PSIP1: variants seen among roughly 807,000 people sequenced by gnomAD.
PSIP1 encodes the protein PC4 and SFRS1-interacting protein.
PSIP1 carries 19 observed loss-of-function variants against 74.7 expected under a neutral mutation model. The observed-to-expected ratio is 0.25, with a 90% CI of 0.18 to 0.37. The LOEUF (loss-of-function observed/expected upper bound fraction) is 0.37, where lower values mean the gene tolerates loss of function less well. Among genes scored for constraint, PSIP1 ranks in the 10% least tolerant of loss-of-function variants. The pLI is 1.00. For synonymous variants in PSIP1, 222 were observed against 195.3 expected (o/e 1.14, Z -1.14); for missense variants, 601 against 614.3 (o/e 0.98, Z 0.23).
At chr9:15,490,337 A>G (rs2036766353) in intron 3 of PSIP1, among the ~76,000 whole-genome samples, 2 of 152,212 alleles carry the variant, frequency 1.3e-5, no homozygotes, top group Non-Finnish European at 2.9e-5. Flanking sequence ...AAGTAAAACC[A>G]CAGACGTTGC....
chr9:15,473,921 A>C (rs1388476754), intron 9 of PSIP1, 88 bp downstream of exon 9: 8 of 871,762 alleles, frequency 9.2e-6, no homozygotes, highest in South Asian at 8.7e-5. Flanking sequence ...AAAACAAAAA[A>C]AAAAACAAAA....
chr9:15,501,867 A>ATATATATATATATAT (rs1188842040), intron 3 of PSIP1, among the ~76,000 whole-genome samples: 12 of 144,390 alleles, frequency 8.3e-5, no homozygotes, highest in African/African-American at 2.7e-4. Flanking sequence ...ATATATATAT[A>ATATATATATATATAT]AAACGCACAC....
intron 15 of PSIP1, among the ~76,000 whole-genome samples, chr9:15,466,186 T>TGGCCA (rs1470464708): frequency 6.6e-6 from 1 of 152,244 alleles, no homozygotes; most frequent in East Asian, 1.9e-4. Flanking sequence ...GAGGCCGGGC[T>TGGCCA]GGCCAACATG....
At position 15,479,596 on chromosome 9, in the gene PSIP1, G is replaced by A. The variant is rs758670344; in HGVS notation, c.548C>T (p.Pro183Leu). 6.3e-6 allele frequency: 10 copies of A among 1,598,474 alleles called. No individual in the cohort carries two copies. The highest frequency in any genetic ancestry group is 1.9e-4 in the Middle Eastern group (1 of 5,154). The change falls in exon 7 of 16, where the codon CCT (proline) becomes CTT (leucine). Residue 183 changes from proline to leucine, a missense_variant. This residue lies in a region of PSIP1 where 538 missense variants were observed against 507.6 expected (regional missense o/e 1.06). Transcript: ENST00000380733. ...TTAAACATCAGTAATCCTACCTGCA[G>A]GTCGTCCTCTTTTAGGACTCACTTT... The part of the protein sequence containing the change: ...NLKVSPKRGR[P>L]AATEVKIPKP...
At chr9:15,484,795 C>T (rs975688385) in intron 6 of PSIP1, among the ~76,000 whole-genome samples, 16 of 151,528 alleles carry the variant, frequency 1.1e-4, no homozygotes, top group African/African-American at 3.6e-4. Flanking sequence ...TGCCTGTAAT[C>T]CCAGCTACTT....
chr9:15,470,097 T>C, intron 10 of PSIP1, 104 bp from the exon 11 acceptor site: 2 of 839,316 alleles, frequency 2.4e-6, no homozygotes, highest in Non-Finnish European at 3.9e-6. Context: ...AATAAGTCAA[T>C]AGCCTAGACT....
chr9:15,502,162 C>T lies in PSIP1; in HGVS notation c.149+4399G>A, dbSNP rs2037379990. Among the ~76,000 whole-genome samples, 3 of 152,012 alleles carry T rather than the reference C, an allele frequency of 2.0e-5. No homozygotes were observed. In the South Asian group the frequency reaches 6.2e-4, roughly 31 times the overall value. On this transcript the variant is annotated intron_variant, in intron 3 of 15. Coordinates refer to ENST00000380733, the MANE Select transcript of PSIP1 (RefSeq NM_033222.5). Reference sequence around the variant, plus strand: ...TCCCAAAACCATCCCCCCAAACCCCCGTGGAAAAAACTGTCTTCCATTGCT... The same window carrying T: ...TCCCAAAACCATCCCCCCAAACCCCTGTGGAAAAAACTGTCTTCCATTGCT...
intron 6 of PSIP1, among the ~76,000 whole-genome samples, chr9:15,481,904 A>G (rs2036352735): frequency 6.6e-6 from 1 of 152,226 alleles, no homozygotes; most frequent in East Asian, 1.9e-4. Flanking sequence ...ATCTAAAGAA[A>G]GGACCAATGA....
chr9:15,469,219 A>G (rs1160319557), intron 12 of PSIP1, 47 bp downstream of exon 12: 1 of 1,352,228 alleles, frequency 7.4e-7, no homozygotes, highest in South Asian at 1.3e-5. Context: ...ATAAAAGATG[A>G]AGCTATAAAT....
At chr9:15,472,428 A>C in intron 10 of PSIP1, 1 of 1,364,640 alleles carries the variant, frequency 7.3e-7, no homozygotes, top group Non-Finnish European at 9.4e-7. Flanking sequence ...TCACAGAGTG[A>C]CTGCCTCAGT....
At position 15,468,863 on chromosome 9, in the gene PSIP1, T is replaced by C. The variant is rs2035733614; in HGVS notation, c.1207-20A>G. On this transcript the variant is annotated intron_variant, in intron 13 of 15. Coordinates refer to ENST00000380733, the MANE Select transcript of PSIP1 (RefSeq NM_033222.5). ...CCGTATCTGAGAAAACAATATACAT[T>C]CATCATAATTGTTTTCCTAATTGAT... 6.2e-7 allele frequency: 1 copy of C among 1,606,014 alleles called. No homozygotes were observed. Among genetic ancestry groups the C allele is most frequent in the South Asian group, 1.1e-5 (1 of 90,622 alleles).
intron 3 of PSIP1, among the ~76,000 whole-genome samples, chr9:15,490,695 A>AG (rs1477939622): frequency 6.6e-6 from 1 of 151,152 alleles, no homozygotes; most frequent in East Asian, 1.9e-4. Flanking sequence ...AAAAAAAAAA[A>AG]AAAAAAAAAA....
At chr9:15,475,685 A>T (rs1413900010) in intron 8 of PSIP1, among the ~76,000 whole-genome samples, 1 of 152,178 alleles carries the variant, frequency 6.6e-6, no homozygotes, top group Non-Finnish European at 1.5e-5. Context: ...AATTTATCCT[A>T]AGGTCATAAA....
rs1491160431 is a variant in PSIP1 at position 15,501,866 on chromosome 9, T to TATATATATATATATATATAA, written c.149+4694_149+4695insTTATATATATATATATATAT. ...ATATATATATATATATATATATATA[T>TATATATATATATATATATAA]AAAACGCACACCCTCCCATATACTT... On this transcript the variant is annotated intron_variant, in intron 3 of 15. Coordinates refer to ENST00000380733, the MANE Select transcript of PSIP1 (RefSeq NM_033222.5). Among the ~76,000 whole-genome samples the TATATATATATATATATATAA allele has an allele frequency of 1.5e-3, 210 of 135,622 alleles. 1 individual carries two copies. Among genetic ancestry groups the TATATATATATATATATATAA allele is most frequent in the African/African-American group, 4.2e-3 (150 of 35,890 alleles). The allele number at this position is 135,622 out of a possible 152,430, so 89.0% of individuals were successfully genotyped here.
chr9:15,473,648 C>G (rs1012713092), intron 9 of PSIP1, among the ~76,000 whole-genome samples: 2 of 152,028 alleles, frequency 1.3e-5, no homozygotes, highest in Non-Finnish European at 2.9e-5. Flanking sequence ...TGCCTGTAAT[C>G]CCGGCACTTT....
intron 3 of PSIP1, among the ~76,000 whole-genome samples, chr9:15,504,326 G>C (rs568973657): frequency 6.6e-6 from 1 of 150,844 alleles, no homozygotes; most frequent in Non-Finnish European, 1.5e-5. Context: ...AGTTTAGTTT[G>C]TTTTGGTTTA....
intron 6 of PSIP1, among the ~76,000 whole-genome samples, chr9:15,485,030 G>A (rs898270549): frequency 2.0e-5 from 3 of 152,228 alleles, no homozygotes; most frequent in Non-Finnish European, 4.4e-5. Context: ...GTTGCAGTGA[G>A]GCATGATTGT....
intron 14 of PSIP1, among the ~76,000 whole-genome samples, chr9:15,468,204 G>A (rs939248158): frequency 1.2e-4 from 18 of 151,714 alleles, no homozygotes; most frequent in Non-Finnish European, 1.6e-4. Context: ...CAGAATACCT[G>A]TATCAAGTAA....
chr9:15,490,682 C>CAAAA (rs869054621), intron 3 of PSIP1, among the ~76,000 whole-genome samples: 11 of 57,308 alleles, frequency 1.9e-4, no homozygotes, highest in East Asian at 6.6e-4. Flanking sequence ...GACTCTGTCT[C>CAAAA]AAAAAAAAAA....
Sources: allele counts gnomAD v4.1 joint callset (sites outside exome capture counted in the v4.1 genomes callset), GRCh38; gene constraint gnomAD v4.1.1; regional missense constraint gnomAD v4.1.1; transcripts MANE v1.5; gene names NCBI Gene and HGNC (gene_info 2026-07-23, HGNC 2026-07-21).